Variants in PTPRG observed in about 807,000 individuals in gnomAD.
PTPRG encodes receptor-type tyrosine-protein phosphatase gamma.
In PTPRG, 102 loss-of-function variants were observed where a neutral mutation model predicts 165.3. That is an observed-to-expected ratio of 0.62 (90% CI 0.53 to 0.73). The LOEUF (loss-of-function observed/expected upper bound fraction) is 0.73. Among genes scored for constraint, PTPRG ranks in the 30% least tolerant of loss-of-function variants. PTPRG has a pLI of 0.00. For synonymous variants in PTPRG, 675 were observed against 669.5 expected, an observed-to-expected ratio of 1.01 and a Z score of -0.13; for missense variants, 1,866 against 1,861.4, an observed-to-expected ratio of 1.00 and a Z score of -0.05.
chr3:62,286,452 C>T (rs946980546), intron 28 of PTPRG, among the ~76,000 whole-genome samples: 1 of 151,574 alleles, frequency 6.6e-6, no homozygotes, highest in Non-Finnish European at 1.5e-5. Context: ...TTAAAAGCTA[C>T]AATAATAAGT....
Position 61,904,910 on chromosome 3 carries a change from CT to C in PTPRG, c.191-84704del, listed in dbSNP as rs5849449. Among the ~76,000 whole-genome samples the C allele has an allele frequency of 1.4e-3, 200 of 145,950 alleles. 1 individual carries two copies. Among genetic ancestry groups the C allele is most frequent in the African/African-American group, 1.7e-3 (68 of 39,980 alleles). ...TGATCTTTGATTCTAATTGGAAAGC[CT>C]TTTTTTTTTTGATGCTCAAAAGTAA... On this transcript the variant is annotated intron_variant, in intron 2 of 29. Transcript: ENST00000474889.
intron 1 of PTPRG, among the ~76,000 whole-genome samples, chr3:61,657,680 C>T (rs1319888081): frequency 4.6e-5 from 7 of 152,094 alleles, no homozygotes; most frequent in Non-Finnish European, 7.3e-5. Flanking sequence ...TCCCTCATGC[C>T]TTCAACTTTC....
intron 9 of PTPRG, among the ~76,000 whole-genome samples, chr3:62,192,058 G>A (rs967227770): frequency 6.6e-6 from 1 of 151,986 alleles, no homozygotes; most frequent in African/African-American, 2.4e-5. Flanking sequence ...TATTTATTAC[G>A]ATCATTCTCC....
chr3:62,133,982 CA>C (rs1015699046), intron 6 of PTPRG, among the ~76,000 whole-genome samples: 36 of 144,264 alleles, frequency 2.5e-4, no homozygotes, highest in South Asian at 4.4e-4. Context: ...GATTCTGTCT[CA>C]AAAAAAAAAA....
intron 2 of PTPRG, among the ~76,000 whole-genome samples, chr3:61,781,074 A>G (rs9833503): frequency 0.2 from 29,882 of 152,152 alleles, 4,051 homozygotes; most frequent in East Asian, 0.49. Flanking sequence ...GTATCTGCCA[A>G]AAATTGAGGC....
chr3:62,036,983 G>GCGCACACACACACACACA lies in PTPRG; in HGVS notation c.519+33487_519+33488insGCACACACACACACACAC, dbSNP rs145992725. Among the ~76,000 whole-genome samples the GCGCACACACACACACACA allele has an allele frequency of 5.3e-5, 8 of 150,562 alleles. No homozygotes were observed. In the East Asian group the frequency reaches 8.0e-4, roughly 15 times the overall value. ...CAGTGCTGCACGTGCGCGCGCGCAC[G>GCGCACACACACACACACA]CACACACACACACACACACACACAC... is the stretch of plus-strand genomic sequence containing the variant. On this transcript the variant is annotated intron_variant, in intron 4 of 29. Transcript: ENST00000474889.
chr3:61,672,003 C>T (rs866508946), intron 1 of PTPRG, among the ~76,000 whole-genome samples: 110 of 113,398 alleles, frequency 9.7e-4, no homozygotes, highest in African/African-American at 3.1e-3. Flanking sequence ...ACTTCTCAGA[C>T]GGGGCGGTTG....
intron 1 of PTPRG, among the ~76,000 whole-genome samples, chr3:61,722,028 C>T (rs916129496): frequency 6.6e-6 from 1 of 152,088 alleles, no homozygotes; most frequent in African/African-American, 2.4e-5. Flanking sequence ...GGCCCTTGAG[C>T]TTGTCTTAAT....
Position 61,756,540 on chromosome 3 carries a change from C to T in PTPRG, c.190+7558C>T, listed in dbSNP as rs189260641. On this transcript the variant is annotated intron_variant, in intron 2 of 29. Coordinates refer to ENST00000474889, the MANE Select transcript of PTPRG (RefSeq NM_002841.4). ...TCTCCAGTGTTTGAAAGACGTTGTT[C>T]TCTCTACTTAGAGTTCTTTTCTTAT... Among the ~76,000 whole-genome samples, 85 of 152,316 alleles carry T rather than the reference C, an allele frequency of 5.6e-4. 1 individual carries two copies. Among genetic ancestry groups the T allele is most frequent in the African/African-American group, 2.0e-3 (82 of 41,576 alleles).
At chr3:61,691,713 G>A (rs1314482469) in intron 1 of PTPRG, among the ~76,000 whole-genome samples, 2 of 152,140 alleles carry the variant, frequency 1.3e-5, no homozygotes, top group Admixed American at 6.5e-5. Context: ...TCCCAGCAAC[G>A]TTAGTAATGC....
intron 4 of PTPRG, among the ~76,000 whole-genome samples, chr3:62,020,726 G>A (rs930671337): frequency 6.6e-6 from 1 of 152,006 alleles, no homozygotes. Flanking sequence ...TTGTTTGTTT[G>A]TGTTTTGAGG....
At chr3:62,048,812 T>C (rs1700377664) in intron 4 of PTPRG, among the ~76,000 whole-genome samples, 1 of 152,222 alleles carries the variant, frequency 6.6e-6, no homozygotes, top group African/African-American at 2.4e-5. Context: ...GGTGAACATA[T>C]TCTTTTTCCC....
intron 1 of PTPRG, among the ~76,000 whole-genome samples, chr3:61,669,426 C>G (rs918540265): frequency 1.2e-4 from 19 of 152,154 alleles, no homozygotes; most frequent in African/African-American, 4.6e-4. Context: ...AATGACAGCA[C>G]AGTCACAGCT....
intron 2 of PTPRG, among the ~76,000 whole-genome samples, chr3:61,851,215 G>A (rs754298878): frequency 6.6e-5 from 10 of 152,170 alleles, no homozygotes; most frequent in Non-Finnish European, 1.0e-4. Context: ...GGGGAGTTGG[G>A]GAAATCTCTA....
chr3:61,741,010 C>T (rs1396637385), intron 1 of PTPRG, among the ~76,000 whole-genome samples: 1 of 152,142 alleles, frequency 6.6e-6, no homozygotes, highest in Non-Finnish European at 1.5e-5. Flanking sequence ...GATTGAAATA[C>T]AGGCACAAAG....
chr3:61,564,193 C>G (rs533455656), intron 1 of PTPRG, among the ~76,000 whole-genome samples: 48 of 152,344 alleles, frequency 3.2e-4, no homozygotes, highest in African/African-American at 1.1e-3. Flanking sequence ...TCTCTCCTTT[C>G]TAGTCTCCCC....
intron 2 of PTPRG, among the ~76,000 whole-genome samples, chr3:61,909,148 G>C (rs968096622): frequency 1.3e-5 from 2 of 152,232 alleles, no homozygotes; most frequent in African/African-American, 2.4e-5. Flanking sequence ...TGGAGCCCAC[G>C]TGCTCAGTGG....
chr3:62,192,102 G>C (rs1183822394), intron 9 of PTPRG, among the ~76,000 whole-genome samples: 2 of 152,062 alleles, frequency 1.3e-5, no homozygotes, highest in Non-Finnish European at 2.9e-5. Flanking sequence ...TACTGCTGCT[G>C]ATGTCACCAC....
At chr3:61,740,235 T>C (rs1315603861) in intron 1 of PTPRG, among the ~76,000 whole-genome samples, 5 of 152,218 alleles carry the variant, frequency 3.3e-5, no homozygotes, top group Non-Finnish European at 7.3e-5. Context: ...TCAGGAGATT[T>C]GTTTCCTTGA....
Sources: gnomAD v4.1 joint callset for allele counts (sites outside exome capture counted in the v4.1 genomes callset) on GRCh38, gnomAD v4.1.1 for gene constraint, MANE v1.5 for transcripts, NCBI Gene and HGNC (gene_info 2026-07-23, HGNC 2026-07-21) for gene names.